Variants in SPON2 observed in about 807,000 individuals in gnomAD.
The protein encoded by SPON2 is spondin-2.
SPON2 carries 32 observed loss-of-function variants against 29.9 expected under a neutral mutation model. That is an observed-to-expected ratio of 1.07 (90% CI 0.81 to 1.44). The LOEUF (loss-of-function observed/expected upper bound fraction) is 1.44. Among genes scored for constraint, SPON2 ranks in the 40% most tolerant of loss-of-function variants. SPON2 has a pLI of 0.00. For missense variants in SPON2, 541 were observed against 455.5 expected, an observed-to-expected ratio of 1.19 and a Z score of -1.71; for synonymous variants, 248 against 209.1, an observed-to-expected ratio of 1.19 and a Z score of -1.61.
intron 1 of SPON2, among the ~76,000 whole-genome samples, chr4:1,182,075 C>T (rs1455009241): frequency 3.3e-5 from 5 of 152,010 alleles, no homozygotes; most frequent in African/African-American, 9.7e-5. Flanking sequence ...AGAAAGCCTA[C>T]AACAACAACA....
chr4:1,171,722 C>T (rs1727456899), intron 2 of SPON2, 130 bp downstream of exon 2: 1 of 818,540 alleles, frequency 1.2e-6, no homozygotes, highest in Non-Finnish European at 2.0e-6. Context: ...GCTCGGCAAA[C>T]ATTCTGGTGT....
upstream of SPON2, among the ~76,000 whole-genome samples, chr4:1,195,711 C>G (rs919532287): frequency 5.4e-5 from 8 of 149,054 alleles, no homozygotes; most frequent in African/African-American, 2.0e-4. Context: ...CTGCCCCAGA[C>G]CCCCCACCCC....
At chr4:1,186,058 C>T (rs544943645) in intron 1 of SPON2, among the ~76,000 whole-genome samples, 40 of 148,004 alleles carry the variant, frequency 2.7e-4, no homozygotes, top group East Asian at 1.3e-3. Context: ...TCCTGGCTAA[C>T]ACGGTGAAAC....
At chr4:1,192,707 G>T (rs955745008) in intron 1 of SPON2, among the ~76,000 whole-genome samples, 10 of 152,154 alleles carry the variant, frequency 6.6e-5, no homozygotes, top group African/African-American at 1.7e-4. Flanking sequence ...GGAAGGCTTG[G>T]GGGGTACGGC....
At chr4:1,167,692 C>G (rs17164384) in intron 5 of SPON2, 36 bp from the exon 6 acceptor site, 1 of 1,545,064 alleles carries the variant, frequency 6.5e-7, no homozygotes, top group Non-Finnish European at 8.7e-7. Flanking sequence ...GGTGAACGCT[C>G]GCGTGAAGAG....
chr4:1,190,323 G>A (rs1327375376), intron 1 of SPON2, among the ~76,000 whole-genome samples: 7 of 149,472 alleles, frequency 4.7e-5, no homozygotes, highest in African/African-American at 7.4e-5. Flanking sequence ...TTCCCACAAA[G>A]AAAAGCCCAG....
chr4:1,171,330 G>T lies in SPON2; in HGVS notation c.377C>A (p.Ala126Glu). Reference sequence around the variant, plus strand: ...CCCGGTGCCGCTGGGGACGGCGGGCGCCGAAAACACCGCGTGCACGCTCTG... The same window carrying T: ...CCCGGTGCCGCTGGGGACGGCGGGCTCCGAAAACACCGCGTGCACGCTCTG... ...ALQSVHAVFS[A>E]PAVPSGTGQT... is the part of the protein sequence containing the mutation. The change falls in exon 3 of 6, where the codon GCG (alanine) becomes GAG (glutamate). Residue 126 changes from alanine to glutamate, a missense_variant. Physicochemically the swap from Ala to Glu is moderately radical, Grantham distance 107. Transcript: ENST00000290902. 6.2e-7 allele frequency: 1 copy of T among 1,603,878 alleles called. No individual in the cohort carries two copies. The highest frequency in any genetic ancestry group is 8.5e-7 in the Non-Finnish European group (1 of 1,178,172).
chr4:1,207,364 C>T (rs1348434123), intron 1 of SPON2, among the ~76,000 whole-genome samples: 2 of 152,170 alleles, frequency 1.3e-5, no homozygotes, highest in Non-Finnish European at 2.9e-5. Flanking sequence ...GTGGGCACCC[C>T]CAGCTGGAGC....
upstream of SPON2, among the ~76,000 whole-genome samples, chr4:1,195,732 A>G (rs1178922841): frequency 5.6e-5 from 3 of 53,406 alleles, no homozygotes; most frequent in Admixed American, 2.4e-4. Context: ...GGAGACCCCC[A>G]GCCCCAGGAT....
rs772975851 is a variant in SPON2 at position 1,202,620 on chromosome 4, C to G, written c.-234+5260G>C. ...GGGTCGGAGTCTCCTGCCTGCCGCT[C>G]TCCCAGGCTGTGCTTGCTCGCTGGT... On this transcript the variant is annotated intron_variant, in intron 1 of 3. Transcript: ENST00000509233. The surrounding 1 kb of genome is among the most constrained non-coding windows in gnomAD (Gnocchi z 5.4). Among the ~76,000 whole-genome samples the G allele has an allele frequency of 1.2e-3, 179 of 152,174 alleles. 2 individuals are homozygous for G. The highest frequency in any genetic ancestry group is 3.9e-4 in the East Asian group (2 of 5,154).
chr4:1,171,382 C>T lies in SPON2; in HGVS notation c.325G>A (p.Glu109Lys). ...AGCGCCTCCCCCGCCGCCTCGATCT[C>T]CTTCATCAGCGCCCAGGCCTCGCCG... ...ERGEAWALMK[E>K]IEAAGEALQS... Residue 109 changes from glutamate to lysine, a missense_variant, in exon 3 of 6, where the codon GAG becomes AAG. Coordinates refer to ENST00000290902, the MANE Select transcript of SPON2 (RefSeq NM_012445.4). The T allele has an allele frequency of 6.2e-7, 1 of 1,612,266 alleles. No homozygotes were observed. Among genetic ancestry groups the T allele is most frequent in the Non-Finnish European group, 8.5e-7 (1 of 1,179,782 alleles).
intron 2 of SPON2, 175 bp downstream of exon 2, chr4:1,171,677 C>T (rs1440191356): frequency 3.9e-6 from 3 of 760,988 alleles, no homozygotes; most frequent in African/African-American, 1.7e-5. Context: ...GCGCCCCCTG[C>T]CCCCACCGCA....
chr4:1,177,854 C>T (rs1366524511), upstream of SPON2, among the ~76,000 whole-genome samples: 1 of 152,180 alleles, frequency 6.6e-6, no homozygotes, highest in Non-Finnish European at 1.5e-5. Context: ...GCGGAGTACC[C>T]ACCCACGGGA....
At chr4:1,168,589 A>G (rs1727322045) in intron 5 of SPON2, among the ~76,000 whole-genome samples, 1 of 152,184 alleles carries the variant, frequency 6.6e-6, no homozygotes. Context: ...ACTGGTGTAG[A>G]AGCCAGAGAG....
At position 1,170,451 on chromosome 4, in the gene SPON2, G is replaced by C; in HGVS notation, c.762C>G (p.Pro254=). The change falls in exon 5 of 6, where the codon CCC becomes CCG. Residue 254 remains proline, a synonymous_variant. Transcript: ENST00000290902. Reference sequence around the variant, plus strand: ...TGTCCCTGCTGGGCAGGACTGGGGCGGGAGGGATGAAGGCCCTGGGGCTCT... The same window carrying C: ...TGTCCCTGCTGGGCAGGACTGGGGCCGGAGGGATGAAGGCCCTGGGGCTCT... ...LRQSPRAFIP[P]APVLPSRDNE... 6.2e-7 allele frequency: 1 copy of C among 1,614,058 alleles called. No individual in the cohort carries two copies. Among genetic ancestry groups the C allele is most frequent in the Non-Finnish European group, 8.5e-7 (1 of 1,179,976 alleles).
At chr4:1,168,042 A>C in intron 5 of SPON2, 1 of 198,826 alleles carries the variant, frequency 5.0e-6, no homozygotes. Flanking sequence ...ATTTACCCGA[A>C]TAACAGACAG....
At chr4:1,174,517 A>AAAAAAG (rs1727554011), upstream of SPON2, among the ~76,000 whole-genome samples, 2 of 151,412 alleles carry the variant, frequency 1.3e-5, no homozygotes, top group African/African-American at 4.9e-5. Flanking sequence ...AAAACAAAAA[A>AAAAAAG]CAAAAACAAA....
Position 1,170,498 on chromosome 4 carries a change from C to A in SPON2, c.715G>T (p.Val239Leu), listed in dbSNP as rs762755561. The A allele has an allele frequency of 1.2e-6, 2 of 1,614,074 alleles. No individual in the cohort carries two copies. The highest frequency in any genetic ancestry group is 2.7e-5 in the African/African-American group (2 of 75,056). Reference protein sequence around the residue: ...RLKALPPIARVTLVRLRQSPR... With the variant: ...RLKALPPIARLTLVRLRQSPR... ...CTCTGTCGCAGCCGCACCAGTGTCA[C>A]CCTGGCGATGGGAGGCAGGGCCTTC... Residue 239 changes from valine to leucine, a missense_variant, in exon 5 of 6, where the codon GTG becomes TTG. Transcript: ENST00000290902.
At chr4:1,185,829 G>C (rs1420846379) in intron 1 of SPON2, among the ~76,000 whole-genome samples, 1 of 150,856 alleles carries the variant, frequency 6.6e-6, no homozygotes, top group Non-Finnish European at 1.5e-5. Flanking sequence ...GAAAACATAA[G>C]ACAAAGCTGT....
Sources: allele counts gnomAD v4.1 joint callset (sites outside exome capture counted in the v4.1 genomes callset), GRCh38; gene constraint gnomAD v4.1.1; non-coding constraint Gnocchi (gnomAD v3.1); transcripts MANE v1.5; gene names NCBI Gene and HGNC (gene_info 2026-07-23, HGNC 2026-07-21).